UNC13C: variants seen among roughly 807,000 people sequenced by gnomAD.
UNC13C encodes the protein unc-13 homolog C, also known as protein unc-13 homolog C.
A neutral mutation model predicts 245.4 loss-of-function variants in UNC13C; 174 were observed. The ratio of observed to expected loss-of-function variants is 0.71; its 90% confidence interval spans 0.63 to 0.80. The LOEUF is 0.80. UNC13C is among the 30% of genes least tolerant of loss of function. The pLI, the probability that UNC13C is intolerant of heterozygous loss-of-function variation, is 0.00. For missense variants in UNC13C, 2,829 were observed against 2,602.9 expected, an observed-to-expected ratio of 1.09 and a Z score of -1.89; for synonymous variants, 992 against 895.1, an observed-to-expected ratio of 1.11 and a Z score of -1.93.
chr15:53,841,322 A>G, the UNC13C span, among the ~76,000 whole-genome samples: 2 of 152,158 alleles, frequency 1.3e-5, no homozygotes, highest in Admixed American at 1.3e-4. Context: ...GCCATCTCCC[A>G]GTGAAATAAA....
intron 4 of UNC13C, among the ~76,000 whole-genome samples, chr15:54,209,040 T>C (rs568189055): frequency 2.0e-5 from 3 of 152,108 alleles, no homozygotes; most frequent in African/African-American, 7.2e-5. Context: ...GACTTTATCA[T>C]GGCTCAGTGC....
chr15:54,406,106 A>G (rs2040287055), intron 18 of UNC13C, among the ~76,000 whole-genome samples: 1 of 152,196 alleles, frequency 6.6e-6, no homozygotes, highest in Admixed American at 6.5e-5. Flanking sequence ...CATAAGCTTT[A>G]TATGACACGG....
At position 54,532,960 on chromosome 15, in the gene UNC13C, G is replaced by T; in HGVS notation, c.5590G>T (p.Glu1864Ter). 6.3e-7 allele frequency: 1 copy of T among 1,590,502 alleles called. No homozygotes were observed. Among genetic ancestry groups the T allele is most frequent in the Non-Finnish European group, 8.6e-7 (1 of 1,164,602 alleles). ...AGAGTGTATAAAACAGATGAGTTTC[G>T]AACTAAATCAAATGAGAGCAAATGG... ...IEECIKQMSF[E>*]LNQMRANGNT... The change falls in exon 26 of 33, where the codon GAA (glutamate) becomes TAA (stop). Residue 1864 changes from glutamate to a stop codon, truncating the protein, a stop_gained. Transcript: ENST00000260323. LOFTEE classifies it high-confidence loss of function.
chr15:54,297,107 A>G (rs994900334), intron 11 of UNC13C, among the ~76,000 whole-genome samples: 2 of 152,230 alleles, frequency 1.3e-5, no homozygotes, highest in Non-Finnish European at 2.9e-5. Flanking sequence ...TACAAAGAGA[A>G]GAAACCAAGT....
At position 54,054,845 on chromosome 15, in the gene UNC13C, A is replaced by G. The variant is rs139644176; in HGVS notation, c.2983+38959A>G. On this transcript the variant is annotated intron_variant, in intron 2 of 32. Coordinates refer to ENST00000260323, the MANE Select transcript of UNC13C (RefSeq NM_001080534.3). ...GTTTGTTTTCTCTTGCTGACCCTTA[A>G]TGAAGGCTAGGCAAAAATGGAGTCG... Among the ~76,000 whole-genome samples, 712 of 152,106 alleles carry G rather than the reference A, an allele frequency of 4.7e-3. 8 individuals carry two copies. Among genetic ancestry groups the G allele is most frequent in the African/African-American group, 0.017 (695 of 41,516 alleles).
intron 2 of UNC13C, among the ~76,000 whole-genome samples, chr15:54,059,365 T>C (rs998386309): frequency 1.8e-4 from 28 of 152,136 alleles, no homozygotes; most frequent in Non-Finnish European, 3.2e-4. Context: ...CCATTCACAA[T>C]TGCTTCAAAG....
At chr15:54,629,734 C>G (rs1352859265), downstream of UNC13C, 3 of 129,500 alleles carry the variant, frequency 2.3e-5, no homozygotes, top group Admixed American at 7.8e-5. Flanking sequence ...ATACATGATA[C>G]ATTTGAGTAA....
At chr15:54,393,256 T>A (rs952449827) in intron 18 of UNC13C, 75 bp downstream of exon 18, 44 of 1,253,794 alleles carry the variant, frequency 3.5e-5, no homozygotes, top group African/African-American at 4.6e-5. Flanking sequence ...AAGCGCAACA[T>A]ATACTGACGA....
Position 54,462,631 on chromosome 15 carries a change from A to G in UNC13C, c.4934-31977A>G, listed in dbSNP as rs559054131. On this transcript the variant is annotated intron_variant, in intron 19 of 32. Coordinates refer to ENST00000260323, the MANE Select transcript of UNC13C (RefSeq NM_001080534.3). ...CTGCGGAGGGGGCGCCGGGTCCCCCAGCACTGCCGGCCTGCCCGCAATGCG... is the reference window on the plus strand; with the variant it reads ...CTGCGGAGGGGGCGCCGGGTCCCCCGGCACTGCCGGCCTGCCCGCAATGCG... Among the ~76,000 whole-genome samples the G allele has an allele frequency of 2.6e-5, 4 of 152,328 alleles. No individual in the cohort carries two copies. In the South Asian group the frequency reaches 6.2e-4, roughly 24 times the overall value.
At chr15:54,263,954 A>G (rs1163276105) in intron 8 of UNC13C, among the ~76,000 whole-genome samples, 1 of 152,128 alleles carries the variant, frequency 6.6e-6, no homozygotes, top group African/African-American at 2.4e-5. Context: ...TGGGAATCAT[A>G]GGAGGTCAAT....
At chr15:54,261,976 G>A (rs72730883) in intron 8 of UNC13C, among the ~76,000 whole-genome samples, 2,425 of 152,174 alleles carry the variant, frequency 0.016, 30 homozygotes, top group Middle Eastern at 0.034. Flanking sequence ...GTACATATTA[G>A]AATAGATATT....
chr15:54,302,352 T>A (rs2037607609), intron 13 of UNC13C, among the ~76,000 whole-genome samples: 1 of 152,214 alleles, frequency 6.6e-6, no homozygotes, highest in South Asian at 2.1e-4. Flanking sequence ...GTTTTAGTCA[T>A]GAAGTTTTTG....
chr15:54,288,219 G>A (rs568192492), intron 10 of UNC13C, among the ~76,000 whole-genome samples: 2 of 152,094 alleles, frequency 1.3e-5, no homozygotes, highest in African/African-American at 4.8e-5. Context: ...AGTAGTTTCT[G>A]GGTTAGTCAA....
chr15:54,426,056 C>A (rs1483844082), intron 19 of UNC13C, among the ~76,000 whole-genome samples: 7 of 151,764 alleles, frequency 4.6e-5, no homozygotes, highest in African/African-American at 1.7e-4. Flanking sequence ...CCCTCTTCCA[C>A]ATTTACATGT....
chr15:54,234,883 C>G, intron 4 of UNC13C, 147 bp from the exon 5 acceptor site: 1 of 664,082 alleles, frequency 1.5e-6, no homozygotes, highest in Non-Finnish European at 2.5e-6. Context: ...GTCCTAGAAG[C>G]TTGTATCTTT....
intron 19 of UNC13C, among the ~76,000 whole-genome samples, chr15:54,433,386 C>T (rs1236037672): frequency 1.3e-5 from 2 of 151,962 alleles, no homozygotes; most frequent in South Asian, 2.1e-4. Context: ...TTATCCACCA[C>T]GTTCAAGTCA....
At chr15:54,357,824 A>C (rs2039131295) in intron 17 of UNC13C, among the ~76,000 whole-genome samples, 1 of 151,960 alleles carries the variant, frequency 6.6e-6, no homozygotes, top group South Asian at 2.1e-4. Flanking sequence ...CATTTTTCAC[A>C]TATATATGAG....
chr15:53,865,152 T>G, the UNC13C span, among the ~76,000 whole-genome samples: 177 of 152,360 alleles, frequency 1.2e-3, no homozygotes, highest in African/African-American at 4.0e-3. Context: ...ATTTAAGTAC[T>G]GAGAAACATT....
In UNC13C at chr15:54,541,379, A is replaced by C. The variant is rs1269947573; in HGVS notation, c.5697-5343A>C. ...TTCCGAGTCCAAAAGCATACAGAGT[A>C]GCATTATAGGGAGTCAATGAGGCTG... On this transcript the variant is annotated intron_variant, in intron 26 of 32. Coordinates refer to ENST00000260323, the MANE Select transcript of UNC13C (RefSeq NM_001080534.3). Among the ~76,000 whole-genome samples the C allele has an allele frequency of 6.6e-5, 10 of 152,248 alleles. No homozygotes were observed. In the East Asian group the frequency reaches 1.9e-3, roughly 29 times the overall value.
Sources: gnomAD v4.1 joint callset for allele counts (sites outside exome capture counted in the v4.1 genomes callset) on GRCh38, gnomAD v4.1.1 for gene constraint, MANE v1.5 for transcripts, NCBI Gene and HGNC (gene_info 2026-07-23, HGNC 2026-07-21) for gene names.